MKLN1: variants seen among roughly 807,000 people sequenced by gnomAD.
MKLN1 encodes the protein muskelin 1.
In MKLN1, 18 loss-of-function variants were observed where a neutral mutation model predicts 99.0. The observed-to-expected ratio is 0.18, with a 90% confidence interval of 0.13 to 0.27. The LOEUF (loss-of-function observed/expected upper bound fraction) is 0.27. MKLN1 is among the 10% of genes least tolerant of loss of function. The pLI, the probability that MKLN1 is intolerant of heterozygous loss-of-function variation, is 1.00. For synonymous variants in MKLN1, 288 were observed against 293.2 expected, an observed-to-expected ratio of 0.98 and a Z score of 0.18; for missense variants, 621 against 875.9, an observed-to-expected ratio of 0.71 and a Z score of 3.67.
chr7:131,277,961 C>A (rs1431585807), intron 3 of MKLN1, among the ~76,000 whole-genome samples: 2 of 151,846 alleles, frequency 1.3e-5, no homozygotes, highest in African/African-American at 4.8e-5. Context: ...AAGATCTGCC[C>A]ATTCTCTCCT....
At chr7:131,422,732 C>G (rs1795242983) in intron 8 of MKLN1, among the ~76,000 whole-genome samples, 1 of 151,462 alleles carries the variant, frequency 6.6e-6, no homozygotes, top group Non-Finnish European at 1.5e-5. Context: ...TTTTTTTAGT[C>G]TGTAGGGTTT....
chr7:131,138,354 G>C (rs1452458327), intron 1 of MKLN1, among the ~76,000 whole-genome samples: 1 of 152,024 alleles, frequency 6.6e-6, no homozygotes, highest in East Asian at 1.9e-4. Context: ...ATTATTCACG[G>C]TTTTTAAATT....
At chr7:131,371,080 C>T (rs1793435108) in intron 1 of MKLN1, among the ~76,000 whole-genome samples, 1 of 152,112 alleles carries the variant, frequency 6.6e-6, no homozygotes. Context: ...GATTAATGTA[C>T]TGTATCCTTT....
intron 2 of MKLN1, among the ~76,000 whole-genome samples, chr7:131,193,577 T>C (rs1423101674): frequency 1.3e-5 from 2 of 152,076 alleles, no homozygotes; most frequent in Non-Finnish European, 2.9e-5. Flanking sequence ...GGTTTCACCA[T>C]ATTGGCCAGG....
At chr7:131,152,588 C>T (rs2116289169) in intron 2 of MKLN1, among the ~76,000 whole-genome samples, 1 of 150,992 alleles carries the variant, frequency 6.6e-6, no homozygotes, top group East Asian at 2.0e-4. Context: ...CAACCTCCAC[C>T]TCCTGGGGTC....
intron 3 of MKLN1, 55 bp downstream of exon 3, chr7:131,387,317 T>G: frequency 6.6e-7 from 1 of 1,503,902 alleles, no homozygotes; most frequent in Non-Finnish European, 9.0e-7. Flanking sequence ...GTAGTCTTAG[T>G]CTTTTTGTAG....
intron 15 of MKLN1, among the ~76,000 whole-genome samples, chr7:131,467,224 C>A (rs1374951069): frequency 6.6e-6 from 1 of 152,076 alleles, no homozygotes; most frequent in Non-Finnish European, 1.5e-5. Context: ...TGAGCCTGAG[C>A]GTTCTGACTC....
rs571646800 is a variant in MKLN1, at chr7:131,417,345, G to A, written c.847+2635G>A. On this transcript the variant is annotated intron_variant, in intron 8 of 17. Coordinates refer to ENST00000352689, the MANE Select transcript of MKLN1 (RefSeq NM_013255.5). ...TAGAGCCATTTTGTACCTATTTGGA[G>A]TGCTTTCTTTTTTTCTTTTATTCGT... Among the ~76,000 whole-genome samples, 3 of 152,316 alleles carry A rather than the reference G, an allele frequency of 2.0e-5. No individual in the cohort carries two copies. The South Asian group carries it at 6.2e-4, about 32-fold the overall frequency.
chr7:131,143,012 T>A lies in MKLN1; in HGVS notation c.-297+71T>A, dbSNP rs369928436. The A allele has an allele frequency of 5.3e-4, 567 of 1,078,470 alleles. 3 individuals are homozygous for A. The highest frequency in any genetic ancestry group is 6.3e-4 in the Non-Finnish European group (497 of 786,694). The allele number at this position is 1,078,470 out of a possible 1,614,324, so 66.8% of individuals were successfully genotyped here. A position where few individuals can be genotyped will look rare whatever the true frequency, so the allele number is the denominator to read the frequency against. ...AGTACTGTACCTATATAGTAATGCT[T>A]TTCAAATTCTTCTCTCTGGAGTCTT... is the stretch of plus-strand genomic sequence containing the variant. On this transcript the variant is annotated intron_variant, in intron 2 of 7. Transcript: ENST00000416992.
intron 2 of MKLN1, among the ~76,000 whole-genome samples, chr7:131,148,735 C>G (rs909284992): frequency 6.6e-6 from 1 of 152,104 alleles, no homozygotes; most frequent in African/African-American, 2.4e-5. Flanking sequence ...GATTGTGCAA[C>G]TACACTCCAG....
chr7:131,478,583 A>G (rs778157764), intron 16 of MKLN1, 40 bp from the exon 17 acceptor site: 84 of 1,474,698 alleles, frequency 5.7e-5, no homozygotes, highest in South Asian at 2.4e-4. Flanking sequence ...TTAGCCAGCT[A>G]ATTTGCTGCT....
chr7:131,308,263 T>C (rs1338637963), intron 3 of MKLN1, among the ~76,000 whole-genome samples: 3 of 108,620 alleles, frequency 2.8e-5, no homozygotes, highest in Admixed American at 8.3e-5. Context: ...CTCACGTAGT[T>C]TTTTTTTTTT....
rs565928910 is a variant in MKLN1 at position 131,126,074 on chromosome 7, C to A, written c.-419+15867C>A. Among the ~76,000 whole-genome samples, 14 of 146,264 alleles carry A rather than the reference C, an allele frequency of 9.6e-5. No individual in the cohort carries two copies. In the South Asian group the frequency reaches 2.4e-3, roughly 25 times the overall value. On this transcript the variant is annotated intron_variant, in intron 1 of 7. Transcript: ENST00000416992. ...AATTAATTAATTAATAAATAAAAATCCAGAAGAAAAAGATTAAAAAGATCA... is the reference window on the plus strand; with the variant it reads ...AATTAATTAATTAATAAATAAAAATACAGAAGAAAAAGATTAAAAAGATCA...
chr7:131,240,547 G>A (rs556351807), intron 3 of MKLN1, among the ~76,000 whole-genome samples: 9 of 152,244 alleles, frequency 5.9e-5, no homozygotes, highest in African/African-American at 2.2e-4. Context: ...TAGGAACATT[G>A]ATATTTTTCT....
intron 3 of MKLN1, among the ~76,000 whole-genome samples, chr7:131,244,120 C>A (rs887408585): frequency 6.6e-6 from 1 of 152,112 alleles, no homozygotes; most frequent in African/African-American, 2.4e-5. Flanking sequence ...TTAAAAAAAT[C>A]GAGTGGTACC....
At chr7:131,348,287 C>T (rs1260550977) in intron 1 of MKLN1, among the ~76,000 whole-genome samples, 1 of 151,950 alleles carries the variant, frequency 6.6e-6, no homozygotes, top group African/African-American at 2.4e-5. Context: ...GAATTTTATG[C>T]GAACAGATAT....
intron 3 of MKLN1, among the ~76,000 whole-genome samples, chr7:131,304,300 A>T (rs1473627355): frequency 2.6e-5 from 4 of 152,186 alleles, no homozygotes; most frequent in African/African-American, 9.7e-5. Flanking sequence ...GAGCCTAGGA[A>T]TTCAAGGTTG....
intron 2 of MKLN1, 25 bp downstream of exon 2, chr7:131,375,518 G>A (rs3823557): frequency 0.38 from 533,760 of 1,415,442 alleles, 104,281 homozygotes; most frequent in East Asian, 0.44. Flanking sequence ...ATCCCTTAAT[G>A]CTGTTTAGAA....
intron 3 of MKLN1, among the ~76,000 whole-genome samples, chr7:131,264,651 GT>G (rs946496534): frequency 1.7e-4 from 26 of 151,252 alleles, no homozygotes; most frequent in Non-Finnish European, 3.4e-4. Flanking sequence ...GGGTTTTTGG[GT>G]TTTTTTTCTT....
Sources: gnomAD v4.1 joint callset for allele counts (sites outside exome capture counted in the v4.1 genomes callset) on GRCh38, gnomAD v4.1.1 for gene constraint, MANE v1.5 for transcripts, NCBI Gene and HGNC (gene_info 2026-07-23, HGNC 2026-07-21) for gene names.